PARL: variants seen among roughly 807,000 people sequenced by gnomAD.
PARL encodes presenilin-associated rhomboid-like protein, mitochondrial.
Under a neutral mutation model 51.6 loss-of-function variants are expected in PARL, and 44 were observed. The observed-to-expected ratio is 0.85, with a 90% CI of 0.67 to 1.10. The LOEUF is 1.10. Among genes scored for constraint, PARL ranks in the 50% least tolerant of loss-of-function variants. The probability of loss-of-function intolerance (pLI) is 0.00; values close to 1 mark genes in which losing one functional copy is unlikely to be tolerated. For synonymous variants in PARL, 172 were observed against 164.0 expected (o/e 1.05, Z -0.37); for missense variants, 441 against 469.5 (o/e 0.94, Z 0.56).
Position 183,833,706 on chromosome 3 carries a change from C to T in PARL, c.930+18G>A. The stretch of plus-strand genomic sequence containing the variant: ...CATCACCACTATCCCCAGCACTGCA[C>T]TTCATAAAAATACTTACATTCCCTG... On this transcript the variant is annotated intron_variant, in intron 8 of 9. Transcript: ENST00000317096. 1 of 1,555,994 alleles carries T rather than the reference C, an allele frequency of 6.4e-7. No individual in the cohort carries two copies. Among genetic ancestry groups the T allele is most frequent in the South Asian group, 1.1e-5 (1 of 89,946 alleles).
intron 9 of PARL, among the ~76,000 whole-genome samples, chr3:183,830,186 G>A (rs1481592996): frequency 6.6e-6 from 1 of 152,142 alleles, no homozygotes; most frequent in East Asian, 1.9e-4. Flanking sequence ...ACGAAGGGTG[G>A]CCCGCTCATC....
In PARL at chr3:183,829,525, T is replaced by G; in HGVS notation, c.*73A>C. 6.2e-7 allele frequency: 1 copy of G among 1,613,686 alleles called. No homozygotes were observed. The highest frequency in any genetic ancestry group is 8.5e-7 in the Non-Finnish European group (1 of 1,180,002). The stretch of plus-strand genomic sequence containing the variant: ...CTTCCAGACGGGAGCATAGCCATGG[T>G]CACTCTAGCCGATGTCTCCTGGGGC... On this transcript the variant is annotated 3_prime_UTR_variant, in exon 10 of 10. Coordinates refer to ENST00000317096, the MANE Select transcript of PARL (RefSeq NM_018622.7).
intron 6 of PARL, among the ~76,000 whole-genome samples, chr3:183,841,992 G>A (rs1729373402): frequency 6.6e-6 from 1 of 152,142 alleles, no homozygotes; most frequent in African/African-American, 2.4e-5. Context: ...ATGAAATCAA[G>A]GCCCGATGAG....
intron 6 of PARL, 44 bp from the exon 7 acceptor site, chr3:183,840,684 A>C (rs1729193485): frequency 1.0e-6 from 1 of 984,204 alleles, no homozygotes; most frequent in African/African-American, 1.7e-5. Context: ...GAGGTATAAA[A>C]ATGGTTTACT....
At chr3:183,875,736 G>A (rs1733730489) in intron 1 of PARL, among the ~76,000 whole-genome samples, 1 of 152,186 alleles carries the variant, frequency 6.6e-6, no homozygotes, top group African/African-American at 2.4e-5. Flanking sequence ...TAAGATGAAG[G>A]TGGCTACACT....
At position 183,829,442 on chromosome 3, in the gene PARL, T is replaced by C; in HGVS notation, c.*156A>G. The C allele has an allele frequency of 1.3e-6, 2 of 1,588,110 alleles. No homozygotes were observed. The highest frequency in any genetic ancestry group is 1.7e-6 in the Non-Finnish European group (2 of 1,168,570). ...CACAACTTTATCATCATTCACATTC[T>C]AAAAAGACACGGACTGGGGGACACA... On this transcript the variant is annotated 3_prime_UTR_variant, in exon 10 of 10. Coordinates refer to ENST00000317096, the MANE Select transcript of PARL (RefSeq NM_018622.7).
At chr3:183,859,122 G>A (rs553100431) in intron 4 of PARL, among the ~76,000 whole-genome samples, 5 of 152,062 alleles carry the variant, frequency 3.3e-5, no homozygotes, top group African/African-American at 9.6e-5. Context: ...TGGCTAACGC[G>A]GTGAAACCCC....
chr3:183,863,073 C>T (rs1043663949), intron 3 of PARL, among the ~76,000 whole-genome samples: 5 of 151,978 alleles, frequency 3.3e-5, no homozygotes, highest in Admixed American at 2.0e-4. Flanking sequence ...TGAAATGGGA[C>T]AATAATAGGT....
intron 4 of PARL, among the ~76,000 whole-genome samples, chr3:183,854,807 C>T (rs781256257): frequency 9.5e-5 from 14 of 147,734 alleles, no homozygotes; most frequent in African/African-American, 1.5e-4. Context: ...CTATATATAC[C>T]GAGAAATGAA....
chr3:183,829,758 A>G, intron 9 of PARL, 49 bp from the exon 10 acceptor site: 1 of 1,422,926 alleles, frequency 7.0e-7, no homozygotes, highest in Non-Finnish European at 9.9e-7. Flanking sequence ...TGACATACAA[A>G]TGGTAAGTAG....
chr3:183,872,191 G>A (rs746385702), intron 1 of PARL, among the ~76,000 whole-genome samples: 1 of 151,986 alleles, frequency 6.6e-6, no homozygotes, highest in Non-Finnish European at 1.5e-5. Flanking sequence ...TAGTAGAGAC[G>A]AGGTTTTACC....
chr3:183,846,812 A>G (rs1439935141), intron 4 of PARL: 1 of 170,724 alleles, frequency 5.9e-6, no homozygotes, highest in Non-Finnish European at 1.2e-5. Flanking sequence ...AGAAATAAGA[A>G]AAGTGAAATG....
rs191110892 is a variant in PARL, at chr3:183,863,600, A to C, written c.463-799T>G. 2.0e-5 allele frequency among the ~76,000 whole-genome samples: 3 copies of C among 152,106 alleles called. No homozygotes were observed. The East Asian group carries it at 5.8e-4, about 29-fold the overall frequency. On this transcript the variant is annotated intron_variant, in intron 3 of 9. Coordinates refer to ENST00000317096, the MANE Select transcript of PARL (RefSeq NM_018622.7). The stretch of plus-strand genomic sequence containing the variant: ...CAGATTAGTATGTATAGTTCCATTT[A>C]TTTTCTTTTTTTTTCTTTTTAAGAG...
chr3:183,868,967 C>CT (rs1477986053), intron 1 of PARL, among the ~76,000 whole-genome samples: 1 of 152,138 alleles, frequency 6.6e-6, no homozygotes, highest in African/African-American at 2.4e-5. Flanking sequence ...GAGTCTACAG[C>CT]TTGACTTCCT....
At chr3:183,879,879 A>ATTTTTT (rs532111761) in intron 1 of PARL, 103 of 131,202 alleles carry the variant, frequency 7.9e-4, no homozygotes, top group East Asian at 2.5e-3. Flanking sequence ...ACCAGGACTG[A>ATTTTTT]TTTTTTTTTT....
chr3:183,862,936 A>C (rs1395166238), intron 3 of PARL, 135 bp from the exon 4 acceptor site: 6 of 748,124 alleles, frequency 8.0e-6, no homozygotes, highest in Non-Finnish European at 1.4e-5. Context: ...AGACATAATA[A>C]ATACGTGGTA....
chr3:183,878,403 G>C (rs62285801), intron 1 of PARL, among the ~76,000 whole-genome samples: 5 of 152,154 alleles, frequency 3.3e-5, no homozygotes, highest in Non-Finnish European at 5.9e-5. Flanking sequence ...CTTTGGATAA[G>C]AACTACAAAA....
chr3:183,871,230 T>C (rs1733170011), intron 1 of PARL, among the ~76,000 whole-genome samples: 1 of 152,044 alleles, frequency 6.6e-6, no homozygotes, highest in Non-Finnish European at 1.5e-5. Flanking sequence ...GAAAGTAAGG[T>C]GGTACTATTC....
intron 4 of PARL, among the ~76,000 whole-genome samples, chr3:183,852,577 G>A (rs1730676461): frequency 6.6e-6 from 1 of 152,050 alleles, no homozygotes; most frequent in South Asian, 2.1e-4. Flanking sequence ...AGATAGTAGT[G>A]ACGGTTATAC....
Sources: allele counts gnomAD v4.1 joint callset (sites outside exome capture counted in the v4.1 genomes callset), GRCh38; gene constraint gnomAD v4.1.1; transcripts MANE v1.5; gene names NCBI Gene and HGNC (gene_info 2026-07-23, HGNC 2026-07-21).